CCDC148: variants seen among roughly 807,000 people sequenced by gnomAD.
CCDC148 encodes coiled-coil domain-containing protein 148.
Under a neutral mutation model 85.7 loss-of-function variants are expected in CCDC148, and 89 were observed. The observed-to-expected ratio is 1.04, with a 90% CI of 0.87 to 1.24. The LOEUF is 1.24. Among genes scored for constraint, CCDC148 ranks in the 50% most tolerant of loss-of-function variants. The probability of loss-of-function intolerance (pLI) is 0.00; values close to 1 mark genes in which losing one functional copy is unlikely to be tolerated. For synonymous variants in CCDC148, 230 were observed against 213.9 expected (o/e 1.08, Z -0.66); for missense variants, 692 against 671.7 (o/e 1.03, Z -0.33).
At chr2:158,406,624 T>TGTTTTTTTTTTTTGTTTTTG (rs1423803250) in intron 1 of CCDC148, among the ~76,000 whole-genome samples, 2,143 of 24,746 alleles carry the variant, frequency 0.087, 142 homozygotes, top group South Asian at 0.23. Flanking sequence ...TTTTTTTTTT[T>TGTTTTTTTTTTTTGTTTTTG]TTTTTTTTTT....
chr2:158,436,253 A>C (rs1246723034), intron 1 of CCDC148, among the ~76,000 whole-genome samples: 1 of 152,212 alleles, frequency 6.6e-6, no homozygotes, highest in Admixed American at 6.5e-5. Context: ...CAAACGTCAA[A>C]GAACAGAAAT....
intron 10 of CCDC148, among the ~76,000 whole-genome samples, chr2:158,241,717 A>G (rs1165214258): frequency 6.6e-6 from 1 of 152,152 alleles, no homozygotes; most frequent in Non-Finnish European, 1.5e-5. Flanking sequence ...TGGGGAGGCT[A>G]TTGGAAAGGA....
At chr2:158,323,776 G>T (rs370221381) in intron 7 of CCDC148, among the ~76,000 whole-genome samples, 1 of 152,034 alleles carries the variant, frequency 6.6e-6, no homozygotes, top group African/African-American at 2.4e-5. Context: ...GTATTTATCA[G>T]ATCATGTAAT....
chr2:158,275,105 G>C (rs1334970353), intron 9 of CCDC148, among the ~76,000 whole-genome samples: 5 of 152,226 alleles, frequency 3.3e-5, no homozygotes, highest in Non-Finnish European at 7.3e-5. Flanking sequence ...TTTTCTCTGA[G>C]CAGCATTCTC....
At chr2:158,312,582 A>C (rs1692082169) in intron 8 of CCDC148, among the ~76,000 whole-genome samples, 1 of 148,590 alleles carries the variant, frequency 6.7e-6, no homozygotes, top group African/African-American at 2.5e-5. Flanking sequence ...CCATCTCAAA[A>C]AAAAAAAAAA....
chr2:158,352,672 A>C (rs2105259102), intron 2 of CCDC148, among the ~76,000 whole-genome samples: 1 of 152,252 alleles, frequency 6.6e-6, no homozygotes, highest in South Asian at 2.1e-4. Context: ...ATCCAGGAGA[A>C]CTTCCCCAAT....
At chr2:158,268,032 A>G (rs1288812172) in intron 9 of CCDC148, among the ~76,000 whole-genome samples, 1 of 152,186 alleles carries the variant, frequency 6.6e-6, no homozygotes, top group African/African-American at 2.4e-5. Context: ...GTTTTTGATG[A>G]TCACAAATTA....
chr2:158,351,467 G>GGGTGACTAAC (rs4028064), intron 2 of CCDC148, among the ~76,000 whole-genome samples: 17 of 150,364 alleles, frequency 1.1e-4, no homozygotes, highest in African/African-American at 3.9e-4. Context: ...TCAAAGAAAG[G>GGGTGACTAAC]GGCACCTGGA....
At chr2:158,313,919 C>G (rs1374945833) in intron 7 of CCDC148, 25 bp from the exon 8 acceptor site, 1 of 1,600,284 alleles carries the variant, frequency 6.2e-7, no homozygotes, top group South Asian at 1.1e-5. Context: ...AATGTCACAA[C>G]ATATTATTGA....
chr2:158,287,065 C>T (rs546175539), intron 9 of CCDC148, among the ~76,000 whole-genome samples: 1 of 152,194 alleles, frequency 6.6e-6, no homozygotes, highest in South Asian at 2.1e-4. Flanking sequence ...GGAGAAAAAT[C>T]AGGAAGAAGC....
intron 1 of CCDC148, among the ~76,000 whole-genome samples, chr2:158,440,024 A>AT (rs535949500): frequency 7.9e-4 from 115 of 146,092 alleles, no homozygotes; most frequent in African/African-American, 2.3e-3. Context: ...ACACCCAGAT[A>AT]TTTTTTTTTT....
intron 1 of CCDC148, among the ~76,000 whole-genome samples, chr2:158,400,693 C>A (rs185465086): frequency 9.7e-4 from 148 of 152,106 alleles, no homozygotes; most frequent in Admixed American, 8.6e-3. Context: ...GCAACAAAAG[C>A]CAAAATTGAC....
intron 1 of CCDC148, among the ~76,000 whole-genome samples, chr2:158,410,816 G>GC (rs1320878140): frequency 6.6e-6 from 1 of 152,022 alleles, no homozygotes; most frequent in East Asian, 1.9e-4. Flanking sequence ...GCTTTCATAT[G>GC]CTTTTATGTG....
intron 9 of CCDC148, among the ~76,000 whole-genome samples, chr2:158,266,142 G>A (rs1159137656): frequency 1.3e-5 from 2 of 152,136 alleles, no homozygotes; most frequent in East Asian, 3.9e-4. Context: ...CATGCCTCAA[G>A]CCTTTCATTG....
intron 7 of CCDC148, among the ~76,000 whole-genome samples, chr2:158,315,415 C>G (rs1574608003): frequency 6.6e-6 from 1 of 151,918 alleles, no homozygotes; most frequent in African/African-American, 2.4e-5. Flanking sequence ...CCACAAGCAA[C>G]AAACAAAAAA....
rs577239293 is a variant in CCDC148 at position 158,311,065 on chromosome 2, G to A, written c.904-1426C>T. 5.9e-5 allele frequency among the ~76,000 whole-genome samples: 9 copies of A among 152,316 alleles called. No individual in the cohort carries two copies. The South Asian group carries it at 6.2e-4, about 11-fold the overall frequency. On this transcript the variant is annotated intron_variant, in intron 8 of 13. Coordinates refer to ENST00000283233, the MANE Select transcript of CCDC148 (RefSeq NM_138803.4). Reference sequence around the variant, plus strand: ...GGCAGACGCTGCTCACTTCCTAGGCGGGGTGGTGGCCGGGCAGAGGCTGCA... The same window carrying A: ...GGCAGACGCTGCTCACTTCCTAGGCAGGGTGGTGGCCGGGCAGAGGCTGCA...
chr2:158,295,899 A>G (rs1691164874), intron 9 of CCDC148, among the ~76,000 whole-genome samples: 2 of 152,098 alleles, frequency 1.3e-5, no homozygotes, highest in Admixed American at 1.3e-4. Context: ...AGAAGGAAAT[A>G]AAGGGTATTC....
chr2:158,340,955 T>C (rs1027682062), intron 3 of CCDC148, among the ~76,000 whole-genome samples: 12 of 152,116 alleles, frequency 7.9e-5, no homozygotes, highest in African/African-American at 2.9e-4. Flanking sequence ...TGAAGGTCAG[T>C]AGGCTGACCT....
At chr2:158,221,834 T>C (rs949271230) in intron 10 of CCDC148, among the ~76,000 whole-genome samples, 4 of 152,060 alleles carry the variant, frequency 2.6e-5, no homozygotes, top group African/African-American at 9.7e-5. Context: ...GACAGAGCTC[T>C]GGATTTAGAG....
Sources: gnomAD v4.1 joint callset for allele counts (sites outside exome capture counted in the v4.1 genomes callset) on GRCh38, gnomAD v4.1.1 for gene constraint, MANE v1.5 for transcripts, NCBI Gene and HGNC (gene_info 2026-07-23, HGNC 2026-07-21) for gene names.